Variants in ACSF2 observed in about 807,000 individuals in gnomAD.
ACSF2 encodes medium-chain acyl-CoA ligase ACSF2, mitochondrial.
In ACSF2, 52 loss-of-function variants were observed where a neutral mutation model predicts 79.3. That is an observed-to-expected ratio of 0.66 (90% CI 0.53 to 0.83). ACSF2 has a LOEUF of 0.83. Ranked by LOEUF, ACSF2 falls within the 40% of genes least tolerant of loss-of-function variation. The pLI is 0.00. For missense variants in ACSF2, 661 were observed against 803.3 expected (o/e 0.82, Z 2.14); for synonymous variants, 283 against 312.6 (o/e 0.91, Z 1.00).
chr17:50,455,598 G>T (rs1366249685), intron 1 of ACSF2, among the ~76,000 whole-genome samples: 1 of 152,202 alleles, frequency 6.6e-6, no homozygotes, highest in Non-Finnish European at 1.5e-5. Flanking sequence ...GGAGGCATGA[G>T]CTCCTCTTCC....
At chr17:50,455,032 G>A (rs2031908729) in intron 1 of ACSF2, among the ~76,000 whole-genome samples, 2 of 152,232 alleles carry the variant, frequency 1.3e-5, no homozygotes, top group Non-Finnish European at 2.9e-5. Context: ...TCCGGCTGGA[G>A]TGTGCAGTGG....
Position 50,455,993 on chromosome 17 carries a change from C to T in ACSF2, c.129-4684C>T, listed in dbSNP as rs2031967170. Among the ~76,000 whole-genome samples the T allele has an allele frequency of 3.3e-5, 5 of 152,148 alleles. No individual in the cohort carries two copies. The South Asian group carries it at 1.0e-3, about 32-fold the overall frequency. ...CCATTTACAGGGCAACCCAGTTTTG[C>T]TCCTTCTGCCTTGAAATTTGTTCCT... is the stretch of plus-strand genomic sequence containing the variant. On this transcript the variant is annotated intron_variant, in intron 1 of 15. Coordinates refer to ENST00000300441, the MANE Select transcript of ACSF2 (RefSeq NM_025149.6).
At chr17:50,466,930 G>T (rs1179970099) in intron 10 of ACSF2, among the ~76,000 whole-genome samples, 1 of 152,214 alleles carries the variant, frequency 6.6e-6, no homozygotes, top group East Asian at 1.9e-4. Context: ...AGAAGGGCAG[G>T]CTTGAGCAGG....
At chr17:50,465,660 C>CT (rs1567859303) in intron 10 of ACSF2, 1 of 1,605,000 alleles carries the variant, frequency 6.2e-7, no homozygotes, top group South Asian at 1.1e-5. Context: ...TAATGTGCCT[C>CT]TATCACATGA....
chr17:50,426,219 CT>C lies in ACSF2; in HGVS notation c.-40del, dbSNP rs768471601. 7.9e-7 allele frequency: 1 copy of C among 1,272,398 alleles called. No homozygotes were observed. The highest frequency in any genetic ancestry group is 1.0e-6 in the Non-Finnish European group (1 of 1,002,600). The allele number at this position is 1,272,398 out of a possible 1,614,324, so 78.8% of individuals were successfully genotyped here. On this transcript the variant is annotated 5_prime_UTR_variant, in exon 1 of 16. Transcript: ENST00000300441. ...TGCGCGCCCGCCCCGCCCCGGCTCA[CT>C]TTAAAAGTTTACTCGGGCCGGGACG...
At chr17:50,459,833 C>T (rs2032226786) in intron 1 of ACSF2, among the ~76,000 whole-genome samples, 1 of 152,160 alleles carries the variant, frequency 6.6e-6, no homozygotes, top group African/African-American at 2.4e-5. Flanking sequence ...AGAACCCGAG[C>T]CAGGTCCCGA....
chr17:50,453,946 AT>A (rs1409100168), intron 1 of ACSF2, among the ~76,000 whole-genome samples: 2 of 151,250 alleles, frequency 1.3e-5, no homozygotes, highest in African/African-American at 4.9e-5. Context: ...TGCCTAGCTA[AT>A]TTAAAAAAAA....
In ACSF2 at chr17:50,471,315, A is replaced by G. The variant is rs2033111364; in HGVS notation, c.1323+180A>G. The G allele has an allele frequency of 1.7e-6, 1 of 586,868 alleles. No homozygotes were observed. The highest frequency in any genetic ancestry group is 2.0e-5 in the South Asian group (1 of 50,480). The allele number at this position is 586,868 out of a possible 1,614,324, so 36.4% of individuals were successfully genotyped here. Reference sequence around the variant, plus strand: ...GAGTGTTCTCTGTGGGCTAAGCATGAAAGGGGAAGAGCTGGAACAGTGGCT... The same window carrying G: ...GAGTGTTCTCTGTGGGCTAAGCATGGAAGGGGAAGAGCTGGAACAGTGGCT... On this transcript the variant is annotated intron_variant, in intron 11 of 15. Transcript: ENST00000300441. The surrounding 1 kb of genome is among the most constrained non-coding windows in gnomAD (Gnocchi z 4.1).
chr17:50,431,895 CT>C (rs1567835584), intron 1 of ACSF2, among the ~76,000 whole-genome samples: 1 of 151,696 alleles, frequency 6.6e-6, no homozygotes, highest in South Asian at 2.1e-4. Flanking sequence ...TTAAACTTGA[CT>C]TTTTTTTTCT....
At chr17:50,461,860 C>T (rs983389058) in intron 4 of ACSF2, among the ~76,000 whole-genome samples, 174 bp downstream of exon 4, 4 of 151,864 alleles carry the variant, frequency 2.6e-5, no homozygotes, top group Admixed American at 6.6e-5. Context: ...CCAAGGAGAG[C>T]GTGGTTGGTC....
intron 1 of ACSF2, among the ~76,000 whole-genome samples, chr17:50,447,796 G>A (rs981157008): frequency 6.6e-6 from 1 of 152,152 alleles, no homozygotes; most frequent in Non-Finnish European, 1.5e-5. Context: ...AGCCTCTGTG[G>A]AAAGTAGTCT....
chr17:50,428,842 C>T (rs1444713667), intron 1 of ACSF2, among the ~76,000 whole-genome samples: 1 of 152,210 alleles, frequency 6.6e-6, no homozygotes, highest in Non-Finnish European at 1.5e-5. Context: ...AGCAAACATT[C>T]CTGAGAACAG....
intron 1 of ACSF2, among the ~76,000 whole-genome samples, chr17:50,428,998 C>T (rs764799199): frequency 6.6e-6 from 1 of 152,262 alleles, no homozygotes; most frequent in Non-Finnish European, 1.5e-5. Flanking sequence ...GAGGAATGCG[C>T]TTGGACTTTC....
chr17:50,432,694 A>G (rs59411743), intron 1 of ACSF2, among the ~76,000 whole-genome samples: 3,566 of 152,330 alleles, frequency 0.023, 142 homozygotes, highest in African/African-American at 0.081. Context: ...CGTGCTTTAT[A>G]AACCTCAGTG....
intron 11 of ACSF2, 110 bp from the exon 12 acceptor site, chr17:50,472,317 AG>A: frequency 4.5e-6 from 6 of 1,339,054 alleles, no homozygotes; most frequent in Non-Finnish European, 6.0e-6. Flanking sequence ...GCCTCATTCC[AG>A]GCAGTTGGGT....
chr17:50,463,770 A>T lies in ACSF2; in HGVS notation c.1047-48A>T. On this transcript the variant is annotated intron_variant, in intron 8 of 15. Coordinates refer to ENST00000300441, the MANE Select transcript of ACSF2 (RefSeq NM_025149.6). This position sits in a 1 kb window ranked among gnomAD's most constrained non-coding sequence, Gnocchi z 4.6. ...CATGGCGGGGTGGGTGAGAACAGGG[A>T]GTTCCCTTCCACTTCCAAGCCTAAT... is the stretch of plus-strand genomic sequence containing the variant. 6.4e-7 allele frequency: 1 copy of T among 1,573,148 alleles called. No individual in the cohort carries two copies. Among genetic ancestry groups the T allele is most frequent in the Non-Finnish European group, 8.7e-7 (1 of 1,146,270 alleles).
chr17:50,446,274 G>A (rs1350365986), intron 1 of ACSF2, among the ~76,000 whole-genome samples: 1 of 151,866 alleles, frequency 6.6e-6, no homozygotes, highest in Non-Finnish European at 1.5e-5. Context: ...AAAACTTCGT[G>A]TTGAAATATA....
Position 50,453,055 on chromosome 17 carries a change from A to G in ACSF2, c.129-7622A>G, listed in dbSNP as rs142391800. ...TTTCTCCCAGATCTGAGGGTGGGGC[A>G]TGGGCAGGCATGGCTGTAACGTTGA... On this transcript the variant is annotated intron_variant, in intron 1 of 15. Coordinates refer to ENST00000300441, the MANE Select transcript of ACSF2 (RefSeq NM_025149.6). Among the ~76,000 whole-genome samples the G allele has an allele frequency of 5.9e-5, 9 of 152,292 alleles. No individual in the cohort carries two copies. The East Asian group carries it at 1.7e-3, about 29-fold the overall frequency.
intron 1 of ACSF2, among the ~76,000 whole-genome samples, chr17:50,435,409 C>CT (rs749269490): frequency 5.6e-4 from 81 of 145,248 alleles, no homozygotes; most frequent in South Asian, 1.5e-3. Flanking sequence ...TTTTTTAATC[C>CT]TTTTTTTTTT....
Sources: gnomAD v4.1 joint callset for allele counts (sites outside exome capture counted in the v4.1 genomes callset) on GRCh38, gnomAD v4.1.1 for gene constraint, Gnocchi (gnomAD v3.1) non-coding constraint, MANE v1.5 for transcripts, NCBI Gene and HGNC (gene_info 2026-07-23, HGNC 2026-07-21) for gene names.